The following ZNF776 variants were observed in gnomAD, a reference collection of about 807,000 sequenced individuals.
ZNF776 encodes zinc finger protein 776.
ZNF776 carries 4 observed loss-of-function variants against 7.0 expected under a neutral mutation model. The ratio of observed to expected loss-of-function variants is 0.57; its 90% confidence interval spans 0.28 to 1.31. The LOEUF (loss-of-function observed/expected upper bound fraction) is 1.31, where lower values mean the gene tolerates loss of function less well. ZNF776 is among the 50% of genes most tolerant of loss of function. The pLI, the probability that ZNF776 is intolerant of heterozygous loss-of-function variation, is 0.10. For missense variants in ZNF776, 555 were observed against 625.9 expected (o/e 0.89, Z 1.21); for synonymous variants, 212 against 213.7 (o/e 0.99, Z 0.07).
chr19:57,751,035 C>G (rs753233366), intron 2 of ZNF776, 124 bp downstream of exon 2: 113 of 1,203,562 alleles, frequency 9.4e-5, no homozygotes, highest in Non-Finnish European at 1.2e-4. Flanking sequence ...TGTTAGTTCC[C>G]TGGGTAGGTT....
Position 57,754,770 on chromosome 19 carries a change from G to C in ZNF776, c.*83G>C. On this transcript the variant is annotated 3_prime_UTR_variant, in exon 3 of 3. Coordinates refer to ENST00000317178, the MANE Select transcript of ZNF776 (RefSeq NM_173632.4). ...ACTGGAAAGCACTTATGAGTATGGAGAATGTGCAAAATCATCTAGCCAAAA... is the reference window on the plus strand; with the variant it reads ...ACTGGAAAGCACTTATGAGTATGGACAATGTGCAAAATCATCTAGCCAAAA... 1 of 1,422,832 alleles carries C rather than the reference G, an allele frequency of 7.0e-7. No individual in the cohort carries two copies. Among genetic ancestry groups the C allele is most frequent in the Non-Finnish European group, 9.6e-7 (1 of 1,045,466 alleles). 88.1% of individuals were successfully genotyped at this position (1,422,832 alleles called of 1,614,324 possible). A position where few individuals can be genotyped will look rare whatever the true frequency, so the allele number is the denominator to read the frequency against.
Position 57,753,925 on chromosome 19 carries a change from G to C in ZNF776, c.795G>C (p.Gln265His), listed in dbSNP as rs1986689361. 6.8e-6 allele frequency: 11 copies of C among 1,614,136 alleles called. No homozygotes were observed. Among genetic ancestry groups the C allele is most frequent in the Non-Finnish European group, 9.3e-6 (11 of 1,180,056 alleles). ...QGVRTGKRPY[Q>H]CGQCDESFWY... ...TTCGCACTGGAAAAAGACCTTATCA[G>C]TGTGGACAATGTGATGAATCATTTT... The change falls in exon 3 of 3, where the codon CAG becomes CAC. Residue 265 changes from glutamine to histidine, a missense_variant. Physicochemically the swap from Gln to His is conservative, Grantham distance 24. Coordinates refer to ENST00000317178, the MANE Select transcript of ZNF776 (RefSeq NM_173632.4).
At position 57,752,134 on chromosome 19, in the gene ZNF776, A is replaced by G. The variant is rs147300925; in HGVS notation, c.161-1157A>G. ...TGATCCACCCGCCTCGGGCTCCCGG[A>G]GCTGGGATTACAGGCGTGAGCCACC... On this transcript the variant is annotated intron_variant, in intron 2 of 2. Coordinates refer to ENST00000317178, the MANE Select transcript of ZNF776 (RefSeq NM_173632.4). 4.5e-3 allele frequency among the ~76,000 whole-genome samples: 687 copies of G among 151,830 alleles called. 6 individuals are homozygous for G. The highest frequency in any genetic ancestry group is 0.016 in the African/African-American group (658 of 41,418).
Position 57,754,887 on chromosome 19 carries a change from CT to C in ZNF776, c.*201del, listed in dbSNP as rs1986731665. Reference sequence around the variant, plus strand: ...GAAATCCTGTACATAGAAGTTTTGCCTCACCAAATACCAGAAGGGTCACACT... The same window carrying C: ...GAAATCCTGTACATAGAAGTTTTGCCCACCAAATACCAGAAGGGTCACACT... On this transcript the variant is annotated 3_prime_UTR_variant, in exon 3 of 3. Transcript: ENST00000317178. 1.7e-6 allele frequency: 1 copy of C among 603,994 alleles called. No homozygotes were observed. Among genetic ancestry groups the C allele is most frequent in the African/African-American group, 1.9e-5 (1 of 53,888 alleles). 37.4% of individuals were successfully genotyped at this position (603,994 alleles called of 1,614,324 possible). A position where few individuals can be genotyped will look rare whatever the true frequency, so the allele number is the denominator to read the frequency against.
chr19:57,751,574 C>T (rs949530446), intron 2 of ZNF776, among the ~76,000 whole-genome samples: 5 of 152,054 alleles, frequency 3.3e-5, no homozygotes, highest in Admixed American at 6.6e-5. Context: ...CTGTATTGCC[C>T]AGGCTGGTCT....
At position 57,754,530 on chromosome 19, in the gene ZNF776, A is replaced by G; in HGVS notation, c.1400A>G (p.Lys467Arg). Residue 467 changes from lysine to arginine, a missense_variant, in exon 3 of 3, where the codon AAA becomes AGA. Lys to Arg is a conservative substitution (Grantham distance 26). Coordinates refer to ENST00000317178, the MANE Select transcript of ZNF776 (RefSeq NM_173632.4). ...CCACATGAGTGTGGAGAATGTGGGA[A>G]ATGTTTTCATCAAAAGGGCAGTCTC... ...ERPHECGECG[K>R]CFHQKGSLIR... 6.2e-7 allele frequency: 1 copy of G among 1,614,194 alleles called. No individual in the cohort carries two copies. The highest frequency in any genetic ancestry group is 8.5e-7 in the Non-Finnish European group (1 of 1,180,034).
chr19:57,751,026 G>C, intron 2 of ZNF776, 115 bp downstream of exon 2: 1 of 1,267,524 alleles, frequency 7.9e-7, no homozygotes, highest in Non-Finnish European at 1.1e-6. Flanking sequence ...AGGTTCCTCT[G>C]TTAGTTCCCT....
intron 1 of ZNF776, among the ~76,000 whole-genome samples, chr19:57,748,585 G>C (rs904846617): frequency 1.3e-5 from 2 of 152,078 alleles, no homozygotes; most frequent in Non-Finnish European, 2.9e-5. Context: ...AATCTTTTAG[G>C]GGACCAGAAA....
intron 1 of ZNF776, 41 bp downstream of exon 1, chr19:57,747,132 T>A: frequency 6.4e-7 from 1 of 1,564,738 alleles, no homozygotes; most frequent in Non-Finnish European, 8.7e-7. Context: ...CACCTCATCT[T>A]TACCTAAGTC....
Position 57,753,445 on chromosome 19 carries a change from G to C in ZNF776, c.315G>C (p.Gln105His), listed in dbSNP as rs371849767. 3 of 1,614,012 alleles carry C rather than the reference G, an allele frequency of 1.9e-6. No homozygotes were observed. Among genetic ancestry groups the C allele is most frequent in the Admixed American group, 3.3e-5 (2 of 59,994 alleles). ...CTCTCCTGGGAGATATCTTACACCA[G>C]GGAACACAACACAATCAGAAATTGA... Reference protein sequence around the residue: ...CGPLLGDILHQGTQHNQKLNG... With the variant: ...CGPLLGDILHHGTQHNQKLNG... Residue 105 changes from glutamine (Q) to histidine (H), a missense_variant, in exon 3 of 3, where the codon CAG (glutamine) becomes CAC (histidine). Physicochemically the swap from Gln to His is conservative, Grantham distance 24. Transcript: ENST00000317178.
rs978266406 is a variant in ZNF776 at position 57,757,342 on chromosome 19, G to C, written c.*2655G>C. On this transcript the variant is annotated 3_prime_UTR_variant, in exon 3 of 3. Transcript: ENST00000317178. ...TTGTCAGACTAAATCTAAAGGTTTT[G>C]TGGATTTCTGTAGCCTATCTGGGCT... 6.6e-6 allele frequency: 1 copy of C among 152,408 alleles called. No homozygotes were observed. The highest frequency in any genetic ancestry group is 1.5e-5 in the Non-Finnish European group (1 of 68,236). The allele number at this position is 152,408 out of a possible 1,614,324, so 9.4% of individuals were successfully genotyped here. A position where few individuals can be genotyped will look rare whatever the true frequency, so the allele number is the denominator to read the frequency against.
At position 57,753,490 on chromosome 19, in the gene ZNF776, A is replaced by C. The variant is rs1012960233; in HGVS notation, c.360A>C (p.Glu120Asp). ...NQKLNGFGAYEKKLDDDANHH... is the reference protein window; with the variant it reads ...NQKLNGFGAYDKKLDDDANHH... ...AATTGAATGGGTTTGGGGCATATGA[A>C]AAAAAATTGGATGACGATGCAAACC... The change falls in exon 3 of 3, where the codon GAA becomes GAC. Residue 120 changes from glutamate to aspartate, a missense_variant. Physicochemically the swap from Glu to Asp is conservative, Grantham distance 45. Transcript: ENST00000317178. The C allele has an allele frequency of 4.3e-6, 7 of 1,614,092 alleles. No individual in the cohort carries two copies. In the African/African-American group the frequency reaches 9.3e-5, roughly 22 times the overall value.
In ZNF776 at chr19:57,754,966, C is replaced by A. The variant is rs1280341239; in HGVS notation, c.*279C>A. ...TTTGGGAAATTACCTAACAAGAAGT[C>A]CCACCTCACTGAACACTACTGAGTT... On this transcript the variant is annotated 3_prime_UTR_variant, in exon 3 of 3. Transcript: ENST00000317178. 4.4e-6 allele frequency: 2 copies of A among 453,830 alleles called. No individual in the cohort carries two copies. The highest frequency in any genetic ancestry group is 8.0e-6 in the Non-Finnish European group (2 of 251,510). 28.1% of individuals were successfully genotyped at this position (453,830 alleles called of 1,614,324 possible).
Position 57,757,344 on chromosome 19 carries a change from G to C in ZNF776, c.*2657G>C, listed in dbSNP as rs1445671390. On this transcript the variant is annotated 3_prime_UTR_variant, in exon 3 of 3. Coordinates refer to ENST00000317178, the MANE Select transcript of ZNF776 (RefSeq NM_173632.4). Reference sequence around the variant, plus strand: ...GTCAGACTAAATCTAAAGGTTTTGTGGATTTCTGTAGCCTATCTGGGCTGC... The same window carrying C: ...GTCAGACTAAATCTAAAGGTTTTGTCGATTTCTGTAGCCTATCTGGGCTGC... 6.6e-6 allele frequency: 1 copy of C among 152,322 alleles called. No individual in the cohort carries two copies. The highest frequency in any genetic ancestry group is 1.5e-5 in the Non-Finnish European group (1 of 68,224). The allele number at this position is 152,322 out of a possible 1,614,324, so 9.4% of individuals were successfully genotyped here. A position where few individuals can be genotyped will look rare whatever the true frequency, so the allele number is the denominator to read the frequency against.
chr19:57,753,759 G>T lies in ZNF776; in HGVS notation c.629G>T (p.Cys210Phe). The T allele has an allele frequency of 1.2e-6, 2 of 1,614,234 alleles. No individual in the cohort carries two copies. The highest frequency in any genetic ancestry group is 1.7e-6 in the Non-Finnish European group (2 of 1,180,046). Residue 210 changes from cysteine to phenylalanine, a missense_variant, in exon 3 of 3, where the codon TGT (cysteine) becomes TTT (phenylalanine). Transcript: ENST00000317178. ...CAGGGTGGAAAAACTCATTACATCT[G>T]TGGAGAGTCCACAATACCGTTTAGC... ...PLQGGKTHYI[C>F]GESTIPFSNK...
Position 57,753,770 on chromosome 19 carries a change from A to G in ZNF776, c.640A>G (p.Thr214Ala). The G allele has an allele frequency of 6.2e-7, 1 of 1,614,254 alleles. No homozygotes were observed. The highest frequency in any genetic ancestry group is 1.6e-4 in the Middle Eastern group (1 of 6,062). ...AACTCATTACATCTGTGGAGAGTCC[A>G]CAATACCGTTTAGCAACAAACACTC... ...GKTHYICGES[T>A]IPFSNKHSLV... is the part of the protein sequence containing the mutation. The change falls in exon 3 of 3, where the codon ACA becomes GCA. Residue 214 changes from threonine to alanine, a missense_variant. Physicochemically the swap from Thr to Ala is moderately conservative, Grantham distance 58. Transcript: ENST00000317178.
Position 57,757,626 on chromosome 19 carries a change from A to G in ZNF776, c.*2939A>G, listed in dbSNP as rs2122530524. 1 of 152,338 alleles carries G rather than the reference A, an allele frequency of 6.6e-6. No individual in the cohort carries two copies. The highest frequency in any genetic ancestry group is 2.1e-4 in the South Asian group (1 of 4,832). The allele number at this position is 152,338 out of a possible 1,614,324, so 9.4% of individuals were successfully genotyped here. On this transcript the variant is annotated 3_prime_UTR_variant, in exon 3 of 3. Coordinates refer to ENST00000317178, the MANE Select transcript of ZNF776 (RefSeq NM_173632.4). ...TGTTAAATCCAGATAGTTCTTTCAAATTAAATTTTTAAAGCTGTAATAAGA... is the reference window on the plus strand; with the variant it reads ...TGTTAAATCCAGATAGTTCTTTCAAGTTAAATTTTTAAAGCTGTAATAAGA...
rs866449762 is a variant in ZNF776 at position 57,746,893 on chromosome 19, C to T, written c.-166C>T. 1 of 617,954 alleles carries T rather than the reference C, an allele frequency of 1.6e-6. No individual in the cohort carries two copies. Among genetic ancestry groups the T allele is most frequent in the South Asian group, 2.4e-5 (1 of 42,276 alleles). 38.3% of individuals were successfully genotyped at this position (617,954 alleles called of 1,614,324 possible). On this transcript the variant is annotated 5_prime_UTR_variant, in exon 1 of 3. Coordinates refer to ENST00000317178, the MANE Select transcript of ZNF776 (RefSeq NM_173632.4). ...GTTGGGTCGTGTAGAAGTGACTGAA[C>T]CCAGAAGGTGGAGACGAGACGTTGT... is the stretch of plus-strand genomic sequence containing the variant.
At chr19:57,750,657 G>A (rs1406217541) in intron 1 of ZNF776, 128 bp from the exon 2 acceptor site, 3 of 1,265,292 alleles carry the variant, frequency 2.4e-6, no homozygotes, top group Non-Finnish European at 1.1e-6. Context: ...GAGCCCATGA[G>A]AAGATAGTGA....
Sources: gnomAD v4.1 joint callset for allele counts (sites outside exome capture counted in the v4.1 genomes callset) on GRCh38, gnomAD v4.1.1 for gene constraint, MANE v1.5 for transcripts, NCBI Gene and HGNC (gene_info 2026-07-23, HGNC 2026-07-21) for gene names.